EVA1C: variants seen among roughly 807,000 people sequenced by gnomAD.
The protein encoded by EVA1C is protein eva-1 homolog C.
In EVA1C, 25 loss-of-function variants were observed where a neutral mutation model predicts 45.4. The observed-to-expected ratio is 0.55, with a 90% CI of 0.40 to 0.77. The LOEUF (loss-of-function observed/expected upper bound fraction) is 0.77, where lower values mean the gene tolerates loss of function less well. EVA1C is among the 30% of genes least tolerant of loss of function. EVA1C has a pLI of 0.00. For missense variants in EVA1C, 479 were observed against 554.8 expected (o/e 0.86, Z 1.37); for synonymous variants, 190 against 221.2 (o/e 0.86, Z 1.25).
intron 1 of EVA1C, among the ~76,000 whole-genome samples, chr21:32,422,044 CAAAA>C (rs57794940): frequency 3.2e-5 from 3 of 92,326 alleles, no homozygotes; most frequent in Non-Finnish European, 4.5e-5. Flanking sequence ...GACCCTGTCT[CAAAA>C]AAAAAAAAAA....
At position 32,474,400 on chromosome 21, in the gene EVA1C, C is replaced by A. The variant is rs1339118158; in HGVS notation, c.634+6552C>A. On this transcript the variant is annotated intron_variant, in intron 4 of 7. Transcript: ENST00000300255. The surrounding 1 kb of genome is among the most constrained non-coding windows in gnomAD (Gnocchi z 4.4). ...GCCTTTGCACAAGCTGTCCCTTTGA[C>A]CTGGACTGTGCTCACCCCATATCTT... Among the ~76,000 whole-genome samples the A allele has an allele frequency of 6.6e-6, 1 of 152,328 alleles. No homozygotes were observed. The highest frequency in any genetic ancestry group is 1.5e-5 in the Non-Finnish European group (1 of 68,038).
At chr21:32,498,948 G>A (rs2037441389) in intron 5 of EVA1C, among the ~76,000 whole-genome samples, 2 of 152,136 alleles carry the variant, frequency 1.3e-5, no homozygotes, top group African/African-American at 2.4e-5. Context: ...TGTTGACAAC[G>A]GTGATTTTAA....
chr21:32,439,385 G>T (rs2035090025), intron 1 of EVA1C, among the ~76,000 whole-genome samples: 1 of 152,196 alleles, frequency 6.6e-6, no homozygotes, highest in African/African-American at 2.4e-5. Context: ...TGGCGAGTGT[G>T]CCAGGGAATC....
intron 5 of EVA1C, among the ~76,000 whole-genome samples, chr21:32,500,190 A>ATTTTTTTTTT (rs538897939): frequency 4.4e-5 from 4 of 91,098 alleles, no homozygotes; most frequent in Non-Finnish European, 7.9e-5. Context: ...TAACCACCCT[A>ATTTTTTTTTT]TTTTTTTTTT....
rs111229318 is a variant in EVA1C, at chr21:32,485,943, C to T, written c.635-9084C>T. ...GCTTGGGTGGTTTTCCTAGGCAGCT[C>T]GCTTCCAGTGACCCAGGGATCCAGG... On this transcript the variant is annotated intron_variant, in intron 4 of 7. Transcript: ENST00000300255. 2.7e-4 allele frequency among the ~76,000 whole-genome samples: 41 copies of T among 152,310 alleles called. 1 individual carries two copies. The highest frequency in any genetic ancestry group is 9.6e-4 in the African/African-American group (40 of 41,568).
At chr21:32,444,688 G>A (rs2035304432) in intron 1 of EVA1C, among the ~76,000 whole-genome samples, 1 of 152,132 alleles carries the variant, frequency 6.6e-6, no homozygotes. Flanking sequence ...ATAACCTTCA[G>A]TTCCTCTCCT....
At chr21:32,483,962 A>ATG (rs55688415) in intron 4 of EVA1C, among the ~76,000 whole-genome samples, 19,549 of 147,166 alleles carry the variant, frequency 0.13, 1,416 homozygotes, top group Non-Finnish European at 0.17. Flanking sequence ...CTCACTGTTT[A>ATG]TGTGTGTGTG....
chr21:32,501,966 CCTCT>C (rs373136384), intron 6 of EVA1C, among the ~76,000 whole-genome samples: 3,870 of 149,134 alleles, frequency 0.026, 184 homozygotes, highest in African/African-American at 0.092. Context: ...TCTCTCCCTC[CCTCT>C]CTCTCTCTCG....
At chr21:32,461,928 C>A (rs996933756) in intron 3 of EVA1C, among the ~76,000 whole-genome samples, 1 of 151,914 alleles carries the variant, frequency 6.6e-6, no homozygotes, top group Non-Finnish European at 1.5e-5. Flanking sequence ...TGTAGGGACA[C>A]TTTCTAGGAC....
At chr21:32,475,770 C>A (rs2146329720) in intron 4 of EVA1C, among the ~76,000 whole-genome samples, 1 of 152,270 alleles carries the variant, frequency 6.6e-6, no homozygotes, top group Non-Finnish European at 1.5e-5. Flanking sequence ...CTTTCCCTTT[C>A]TTCCGGCTGA....
intron 1 of EVA1C, among the ~76,000 whole-genome samples, chr21:32,429,911 CT>C (rs895519785): frequency 6.6e-6 from 1 of 151,778 alleles, no homozygotes; most frequent in Non-Finnish European, 1.5e-5. Context: ...TTTATGTTCT[CT>C]TTTTTTTGCT....
intron 4 of EVA1C, 61 bp downstream of exon 4, chr21:32,467,909 T>TATAG (rs2146302420): frequency 2.0e-6 from 2 of 1,009,476 alleles, no homozygotes; most frequent in South Asian, 2.6e-5. Context: ...TAATAGAATA[T>TATAG]ATATATATAT....
At chr21:32,459,331 C>A (rs561541674) in intron 3 of EVA1C, among the ~76,000 whole-genome samples, 102 of 152,306 alleles carry the variant, frequency 6.7e-4, no homozygotes, top group Non-Finnish European at 1.2e-3. Context: ...CACCCTCCCT[C>A]CGCCCCTAGG....
intron 6 of EVA1C, 142 bp downstream of exon 6, chr21:32,501,637 C>G (rs1053505922): frequency 1.0e-6 from 1 of 970,816 alleles, no homozygotes; most frequent in Non-Finnish European, 1.4e-6. Context: ...GTGATAATAG[C>G]GCTTATTATC....
chr21:32,455,608 G>A (rs1179393807), intron 2 of EVA1C, among the ~76,000 whole-genome samples: 2 of 151,934 alleles, frequency 1.3e-5, no homozygotes, highest in Non-Finnish European at 2.9e-5. Flanking sequence ...TGCCCTCCTG[G>A]GTGCATGAAA....
chr21:32,501,979 C>T (rs879749633), intron 6 of EVA1C, among the ~76,000 whole-genome samples: 30 of 149,348 alleles, frequency 2.0e-4, no homozygotes, highest in Non-Finnish European at 2.8e-4. Context: ...CTCTCTCTCT[C>T]GCTCTTTTCT....
chr21:32,424,062 C>T (rs899497153), intron 1 of EVA1C, among the ~76,000 whole-genome samples: 3 of 152,202 alleles, frequency 2.0e-5, no homozygotes, highest in African/African-American at 7.2e-5. Flanking sequence ...CCCTTTTCCC[C>T]TGCAATGTGG....
intron 7 of EVA1C, among the ~76,000 whole-genome samples, chr21:32,505,487 C>T (rs535787297): frequency 6.6e-5 from 10 of 152,250 alleles, no homozygotes; most frequent in South Asian, 2.1e-4. Flanking sequence ...GGAACGAGAC[C>T]GACATTGCGC....
At chr21:32,443,596 A>G (rs148851396) in intron 1 of EVA1C, among the ~76,000 whole-genome samples, 2 of 152,258 alleles carry the variant, frequency 1.3e-5, no homozygotes, top group East Asian at 3.9e-4. Flanking sequence ...AGAGATGTGC[A>G]GTGGTTTATG....
Sources: gnomAD v4.1 joint callset for allele counts (sites outside exome capture counted in the v4.1 genomes callset) on GRCh38, gnomAD v4.1.1 for gene constraint, Gnocchi (gnomAD v3.1) non-coding constraint, MANE v1.5 for transcripts, NCBI Gene and HGNC (gene_info 2026-07-23, HGNC 2026-07-21) for gene names.